NXN: variants seen among roughly 807,000 people sequenced by gnomAD.
NXN encodes nucleoredoxin 1.
Under a neutral mutation model 48.6 loss-of-function variants are expected in NXN, and 16 were observed. The ratio of observed to expected loss-of-function variants is 0.33; its 90% CI spans 0.22 to 0.50. The LOEUF is 0.50. Among genes scored for constraint, NXN ranks in the 20% least tolerant of loss-of-function variants. NXN has a pLI of 0.98. For missense variants in NXN, 492 were observed against 605.5 expected (o/e 0.81, Z 1.97); for synonymous variants, 281 against 269.6 (o/e 1.04, Z -0.41).
chr17:838,123 C>CTTATT (rs1196301886), intron 1 of NXN, among the ~76,000 whole-genome samples: 1 of 125,932 alleles, frequency 7.9e-6, no homozygotes, highest in Non-Finnish European at 1.6e-5. Context: ...TTTTCCTTTC[C>CTTATT]TTCTTTTTTT....
At chr17:961,379 C>T (rs1404826722) in intron 1 of NXN, among the ~76,000 whole-genome samples, 4 of 147,626 alleles carry the variant, frequency 2.7e-5, no homozygotes, top group Admixed American at 2.0e-4. Flanking sequence ...AGTGAGACTC[C>T]GTCTCAAGAA....
At chr17:866,319 A>G (rs2068095247) in intron 1 of NXN, among the ~76,000 whole-genome samples, 1 of 152,186 alleles carries the variant, frequency 6.6e-6, no homozygotes, top group Non-Finnish European at 1.5e-5. Context: ...GCAGTGGCTC[A>G]CACCTGTAAT....
chr17:907,342 A>T (rs1057230965), intron 1 of NXN, among the ~76,000 whole-genome samples: 1 of 145,714 alleles, frequency 6.9e-6, no homozygotes, highest in Non-Finnish European at 1.5e-5. Flanking sequence ...CTCAATACCT[A>T]TTTTTTTTTT....
At chr17:812,985 T>A (rs568570380) in intron 5 of NXN, among the ~76,000 whole-genome samples, 1 of 151,948 alleles carries the variant, frequency 6.6e-6, no homozygotes, top group Non-Finnish European at 1.5e-5. Flanking sequence ...TGTGTGCACA[T>A]GTGAATGTAG....
intron 1 of NXN, among the ~76,000 whole-genome samples, chr17:884,749 C>T (rs1396085170): frequency 6.6e-6 from 1 of 152,202 alleles, no homozygotes; most frequent in Non-Finnish European, 1.5e-5. Context: ...AAGGGATGGA[C>T]GGTCCCTCGG....
chr17:841,444 C>CCT (rs1263582262), intron 1 of NXN, among the ~76,000 whole-genome samples: 4 of 39,282 alleles, frequency 1.0e-4, no homozygotes, highest in South Asian at 1.6e-3. Context: ...GCGAGCAGGT[C>CCT]CCCCTGACCA....
In NXN at chr17:800,026, G is replaced by GA. The variant is rs1911122237; in HGVS notation, c.*922dup. The GA allele has an allele frequency of 6.6e-6, 1 of 152,476 alleles. No individual in the cohort carries two copies. The highest frequency in any genetic ancestry group is 2.4e-5 in the African/African-American group (1 of 41,466). The allele number at this position is 152,476 out of a possible 1,614,324, so 9.4% of individuals were successfully genotyped here. A position where few individuals can be genotyped will look rare whatever the true frequency, so the allele number is the denominator to read the frequency against. On this transcript the variant is annotated 3_prime_UTR_variant, in exon 8 of 8. Transcript: ENST00000336868. The stretch of plus-strand genomic sequence containing the variant: ...AGCTACTCGGGAGGCTGAGGCAGGA[G>GA]AATCACTTGAACCTTGGGGGCGGAG...
chr17:927,856 TTTTC>T (rs1259720710), intron 1 of NXN, among the ~76,000 whole-genome samples: 1 of 152,074 alleles, frequency 6.6e-6, no homozygotes, highest in African/African-American at 2.4e-5. Flanking sequence ...CCTCACCAGC[TTTTC>T]TTTAATTACT....
chr17:889,751 GAA>G (rs372803718), intron 1 of NXN, among the ~76,000 whole-genome samples: 20,583 of 83,942 alleles, frequency 0.25, 2,294 homozygotes, highest in Non-Finnish European at 0.27. Flanking sequence ...AAGAAAGAAA[GAA>G]AGAAAGAAAA....
intron 1 of NXN, among the ~76,000 whole-genome samples, chr17:892,849 A>G (rs1334655277): frequency 6.6e-6 from 1 of 152,090 alleles, no homozygotes; most frequent in Non-Finnish European, 1.5e-5. Flanking sequence ...GTCCAACACA[A>G]ACAATAAACC....
chr17:855,189 T>A (rs1051260558), intron 1 of NXN, among the ~76,000 whole-genome samples: 1 of 152,042 alleles, frequency 6.6e-6, no homozygotes, highest in Non-Finnish European at 1.5e-5. Context: ...GAAGGGAGGA[T>A]CACTTGAGCC....
At chr17:807,886 G>C (rs1028843484) in intron 5 of NXN, among the ~76,000 whole-genome samples, 2 of 152,254 alleles carry the variant, frequency 1.3e-5, no homozygotes, top group East Asian at 1.9e-4. Flanking sequence ...TCTGCCCTGT[G>C]CTAGGCACGG....
Position 830,249 on chromosome 17 carries a change from C to T in NXN, c.361-4171G>A, listed in dbSNP as rs1021707333. On this transcript the variant is annotated intron_variant, in intron 1 of 7. Coordinates refer to ENST00000336868, the MANE Select transcript of NXN (RefSeq NM_022463.5). The surrounding 1 kb of genome is among the most constrained non-coding windows in gnomAD (Gnocchi z 4.2). ...CTGTGTGCCAGGCTCGTTCTAAGCA[C>T]AAGAGATTCAGTTAAGAGCAGATGA... is the stretch of plus-strand genomic sequence containing the variant. 1.3e-4 allele frequency among the ~76,000 whole-genome samples: 20 copies of T among 152,170 alleles called. No homozygotes were observed. Among genetic ancestry groups the T allele is most frequent in the Admixed American group, 1.3e-3 (20 of 15,256 alleles).
At chr17:838,944 G>A (rs1363935603) in intron 1 of NXN, among the ~76,000 whole-genome samples, 2 of 152,226 alleles carry the variant, frequency 1.3e-5, no homozygotes, top group Non-Finnish European at 2.9e-5. Flanking sequence ...AAACGGTGGA[G>A]AATGTGGTTC....
intron 1 of NXN, chr17:930,295 G>A (rs2068840388): frequency 6.6e-6 from 1 of 152,136 alleles, no homozygotes; most frequent in Admixed American, 6.6e-5. Context: ...ATTAGCCAGT[G>A]TGATGGCGGA....
intron 1 of NXN, among the ~76,000 whole-genome samples, chr17:838,036 C>T (rs1178964793): frequency 1.3e-5 from 2 of 151,890 alleles, no homozygotes; most frequent in East Asian, 3.9e-4. Context: ...CCACGCCAGG[C>T]TGCATTAAAA....
At chr17:965,191 A>G (rs1401221241) in intron 1 of NXN, among the ~76,000 whole-genome samples, 1 of 152,204 alleles carries the variant, frequency 6.6e-6, no homozygotes, top group Non-Finnish European at 1.5e-5. Context: ...TACATCCAAG[A>G]GGGAGAACGT....
At chr17:948,672 C>A (rs2069073060) in intron 1 of NXN, among the ~76,000 whole-genome samples, 1 of 152,006 alleles carries the variant, frequency 6.6e-6, no homozygotes, top group Non-Finnish European at 1.5e-5. Flanking sequence ...TGAGGCAAAA[C>A]CTAAGACAGC....
chr17:942,081 A>ATC (rs2068981972), intron 1 of NXN, among the ~76,000 whole-genome samples: 4 of 50,362 alleles, frequency 7.9e-5, no homozygotes, highest in Non-Finnish European at 1.2e-4. Context: ...GAATTCACCA[A>ATC]ACACCTTCCT....
Sources: allele counts gnomAD v4.1 joint callset (sites outside exome capture counted in the v4.1 genomes callset), GRCh38; gene constraint gnomAD v4.1.1; non-coding constraint Gnocchi (gnomAD v3.1); transcripts MANE v1.5; gene names NCBI Gene and HGNC (gene_info 2026-07-23, HGNC 2026-07-21).